The following TNR variants were observed in gnomAD, a reference collection of about 807,000 sequenced individuals.
TNR encodes tenascin-R.
Under a neutral mutation model 150.4 loss-of-function variants are expected in TNR, and 45 were observed. That is an observed-to-expected ratio of 0.30 (90% CI 0.24 to 0.38). TNR has a LOEUF of 0.38. TNR is among the 10% of genes least tolerant of loss of function. TNR has a pLI of 1.00. For synonymous variants in TNR, 687 were observed against 678.4 expected (o/e 1.01, Z -0.20); for missense variants, 1,544 against 1,759.1 (o/e 0.88, Z 2.19).
At chr1:175,346,205 A>C (rs560688170) in intron 18 of TNR, among the ~76,000 whole-genome samples, 12 of 152,368 alleles carry the variant, frequency 7.9e-5, no homozygotes, top group Admixed American at 5.2e-4. Flanking sequence ...CAAGTTCTAG[A>C]GATGTGAAAA....
At chr1:175,613,535 G>A (rs1663667565) in intron 1 of TNR, among the ~76,000 whole-genome samples, 1 of 148,946 alleles carries the variant, frequency 6.7e-6, no homozygotes, top group Admixed American at 6.8e-5. Flanking sequence ...TCACTGGCAT[G>A]ATTGGAGCCT....
At chr1:175,499,775 C>A (rs1658651405) in intron 2 of TNR, among the ~76,000 whole-genome samples, 1 of 152,168 alleles carries the variant, frequency 6.6e-6, no homozygotes, top group Non-Finnish European at 1.5e-5. Flanking sequence ...GAAAGGAGAA[C>A]CTACCTTTAT....
chr1:175,609,360 T>C (rs1048948490), intron 1 of TNR, among the ~76,000 whole-genome samples: 2 of 152,196 alleles, frequency 1.3e-5, no homozygotes, highest in Admixed American at 6.5e-5. Flanking sequence ...GAGCAGGGAC[T>C]GAAGATAAAC....
At chr1:175,490,767 G>T (rs745567934) in intron 2 of TNR, among the ~76,000 whole-genome samples, 2 of 152,184 alleles carry the variant, frequency 1.3e-5, no homozygotes, top group Non-Finnish European at 2.9e-5. Context: ...TTACACTGTT[G>T]GTGGGAGTGA....
chr1:175,555,222 C>A lies in TNR; in HGVS notation c.-164-26853G>T, dbSNP rs138197494. Reference sequence around the variant, plus strand: ...CTTTTCTCCCCTTTGCTCTTCCCCACCCCCTATAGATACATACAGAGGGGA... The same window carrying A: ...CTTTTCTCCCCTTTGCTCTTCCCCAACCCCTATAGATACATACAGAGGGGA... On this transcript the variant is annotated intron_variant, in intron 1 of 22. Coordinates refer to ENST00000367674, the MANE Select transcript of TNR (RefSeq NM_003285.3). Among the ~76,000 whole-genome samples the A allele has an allele frequency of 5.2e-3, 787 of 152,208 alleles. 5 individuals carry two copies. The highest frequency in any genetic ancestry group is 0.018 in the African/African-American group (738 of 41,512).
chr1:175,553,817 A>AACAC (rs58714689), intron 1 of TNR, among the ~76,000 whole-genome samples: 3,288 of 145,468 alleles, frequency 0.023, 131 homozygotes, highest in African/African-American at 0.076. Context: ...TACAAGAACA[A>AACAC]ACACACACAC....
intron 1 of TNR, among the ~76,000 whole-genome samples, chr1:175,533,041 G>A (rs926362730): frequency 1.3e-5 from 2 of 152,228 alleles, no homozygotes; most frequent in African/African-American, 4.8e-5. Flanking sequence ...GGGTCATCTT[G>A]AAGGCTAGTT....
chr1:175,446,069 T>C (rs1341931316), intron 2 of TNR, among the ~76,000 whole-genome samples: 1 of 152,240 alleles, frequency 6.6e-6, no homozygotes, highest in Non-Finnish European at 1.5e-5. Flanking sequence ...GTGGCTCTTT[T>C]TTTCTTATGG....
At chr1:175,731,882 G>C (rs1667649975) in intron 1 of TNR, among the ~76,000 whole-genome samples, 1 of 152,226 alleles carries the variant, frequency 6.6e-6, no homozygotes, top group Admixed American at 6.5e-5. Flanking sequence ...CCAGACCCCA[G>C]TGCATCTCCT....
At chr1:175,324,754 G>A (rs7550871) in intron 21 of TNR, among the ~76,000 whole-genome samples, 1 of 152,116 alleles carries the variant, frequency 6.6e-6, no homozygotes, top group Admixed American at 6.5e-5. Context: ...CCTTTGCTGA[G>A]AATTTTCTCC....
At chr1:175,628,301 T>G (rs1664217213) in intron 1 of TNR, among the ~76,000 whole-genome samples, 1 of 152,100 alleles carries the variant, frequency 6.6e-6, no homozygotes, top group Non-Finnish European at 1.5e-5. Flanking sequence ...CCTAGAGCCT[T>G]TTTAGGATCT....
intron 2 of TNR, among the ~76,000 whole-genome samples, chr1:175,519,096 A>T (rs985131408): frequency 1.3e-5 from 2 of 152,020 alleles, no homozygotes; most frequent in East Asian, 3.9e-4. Context: ...CTTATTTACA[A>T]CTCACTCCTT....
chr1:175,558,054 T>C (rs1303610324), intron 1 of TNR, among the ~76,000 whole-genome samples: 3 of 116,828 alleles, frequency 2.6e-5, no homozygotes, highest in Non-Finnish European at 3.5e-5. Flanking sequence ...TTCTCACTCA[T>C]AGGTGGGAAT....
At chr1:175,458,105 A>C (rs537457588) in intron 2 of TNR, among the ~76,000 whole-genome samples, 1 of 152,260 alleles carries the variant, frequency 6.6e-6, no homozygotes, top group Non-Finnish European at 1.5e-5. Flanking sequence ...AGTGCTGAGC[A>C]CAGAGCCTGG....
At chr1:175,492,887 A>G (rs1015005103) in intron 2 of TNR, among the ~76,000 whole-genome samples, 1 of 152,176 alleles carries the variant, frequency 6.6e-6, no homozygotes, top group Non-Finnish European at 1.5e-5. Context: ...GTTCCCACAT[A>G]TGGGCCTCCA....
At chr1:175,487,098 CT>C (rs1218960368) in intron 2 of TNR, among the ~76,000 whole-genome samples, 1 of 152,146 alleles carries the variant, frequency 6.6e-6, no homozygotes, top group Non-Finnish European at 1.5e-5. Flanking sequence ...ATGATAGTTT[CT>C]TTTGCTGTGC....
At chr1:175,720,791 A>T (rs1667277079) in intron 1 of TNR, among the ~76,000 whole-genome samples, 1 of 152,204 alleles carries the variant, frequency 6.6e-6, no homozygotes, top group African/African-American at 2.4e-5. Flanking sequence ...GAGGAAGCAG[A>T]TATTCCTGTT....
intron 1 of TNR, among the ~76,000 whole-genome samples, chr1:175,541,111 C>T (rs974830279): frequency 2.0e-5 from 3 of 152,188 alleles, no homozygotes; most frequent in Admixed American, 1.3e-4. Context: ...CTCCAGAATT[C>T]ACCTCCTCCG....
At chr1:175,585,407 A>G (rs1456895860) in intron 1 of TNR, among the ~76,000 whole-genome samples, 1 of 152,234 alleles carries the variant, frequency 6.6e-6, no homozygotes, top group African/African-American at 2.4e-5. Flanking sequence ...ATTATGTGCC[A>G]AGAGTATTGC....
Sources: gnomAD v4.1 joint callset for allele counts (sites outside exome capture counted in the v4.1 genomes callset) on GRCh38, gnomAD v4.1.1 for gene constraint, MANE v1.5 for transcripts, NCBI Gene and HGNC (gene_info 2026-07-23, HGNC 2026-07-21) for gene names.